GSG1L: variants seen among roughly 807,000 people sequenced by gnomAD.
GSG1L encodes the protein GSG1 like.
GSG1L carries 24 observed loss-of-function variants against 42.1 expected under a neutral mutation model. The ratio of observed to expected loss-of-function variants is 0.57; its 90% CI spans 0.41 to 0.80. The LOEUF (loss-of-function observed/expected upper bound fraction) is 0.80, where lower values mean the gene tolerates loss of function less well. Ranked by LOEUF, GSG1L falls within the 30% of genes least tolerant of loss-of-function variation. The probability of loss-of-function intolerance (pLI) is 0.00; values close to 1 mark genes in which losing one functional copy is unlikely to be tolerated. For missense variants in GSG1L, 445 were observed against 472.2 expected (o/e 0.94, Z 0.53); for synonymous variants, 215 against 203.5 (o/e 1.06, Z -0.48).
rs548118675 is a variant in GSG1L, at chr16:27,906,141, C to G, written c.398-21503G>C. 3.6e-4 allele frequency among the ~76,000 whole-genome samples: 55 copies of G among 151,968 alleles called. 1 individual carries two copies. Among genetic ancestry groups the G allele is most frequent in the Admixed American group, 1.5e-3 (23 of 15,252 alleles). On this transcript the variant is annotated intron_variant, in intron 2 of 6. Transcript: ENST00000447459. ...AAAAAAAAAGTTTTTTAAGGAGGCT[C>G]GAAAGGTTAGGTTTCCAGATAGCTC...
intron 2 of GSG1L, among the ~76,000 whole-genome samples, chr16:27,943,556 T>C (rs983876759): frequency 1.7e-4 from 25 of 143,812 alleles, no homozygotes; most frequent in African/African-American, 5.1e-4. Flanking sequence ...CATTTTCTTT[T>C]TCTTTGTTTC....
chr16:28,037,507 C>T (rs2086054141), intron 1 of GSG1L, among the ~76,000 whole-genome samples: 1 of 152,166 alleles, frequency 6.6e-6, no homozygotes, highest in Non-Finnish European at 1.5e-5. Context: ...TTCAGGTGGT[C>T]CCCTACTAGG....
chr16:27,952,953 C>T (rs536719609), intron 2 of GSG1L, among the ~76,000 whole-genome samples: 7 of 152,328 alleles, frequency 4.6e-5, no homozygotes, highest in African/African-American at 1.4e-4. Flanking sequence ...CAAGGGCAAC[C>T]GCTGACCCAA....
chr16:27,896,986 C>A (rs1218338663), intron 2 of GSG1L, among the ~76,000 whole-genome samples: 1 of 152,206 alleles, frequency 6.6e-6, no homozygotes, highest in African/African-American at 2.4e-5. Flanking sequence ...GCCTTAGCCT[C>A]CCGAGTAGCT....
intron 1 of GSG1L, among the ~76,000 whole-genome samples, chr16:27,970,800 T>C (rs2085186224): frequency 6.6e-6 from 1 of 152,086 alleles, no homozygotes; most frequent in Admixed American, 6.5e-5. Context: ...CTTCTATTTA[T>C]GTCTCTTATC....
At chr16:27,902,077 T>C (rs1298706700) in intron 2 of GSG1L, among the ~76,000 whole-genome samples, 1 of 152,224 alleles carries the variant, frequency 6.6e-6, no homozygotes, top group East Asian at 1.9e-4. Context: ...TCCTGGTTAT[T>C]GGAAGTGGTG....
intron 2 of GSG1L, among the ~76,000 whole-genome samples, chr16:27,896,520 G>A (rs1407323948): frequency 1.3e-5 from 2 of 152,206 alleles, no homozygotes; most frequent in Admixed American, 6.5e-5. Context: ...GTTTACCTAT[G>A]TAACAAACCT....
At chr16:27,845,385 T>G (rs1439965861) in intron 3 of GSG1L, among the ~76,000 whole-genome samples, 1 of 152,164 alleles carries the variant, frequency 6.6e-6, no homozygotes, top group Non-Finnish European at 1.5e-5. Flanking sequence ...TATGCCACTA[T>G]GACAGGCCAA....
At chr16:28,050,889 T>C (rs925639848) in intron 1 of GSG1L, among the ~76,000 whole-genome samples, 3 of 152,202 alleles carry the variant, frequency 2.0e-5, no homozygotes, top group Admixed American at 6.5e-5. Context: ...AGACAAGGAC[T>C]GTCCGCTTTG....
intron 1 of GSG1L, among the ~76,000 whole-genome samples, chr16:27,989,638 G>A (rs1042276348): frequency 6.6e-6 from 1 of 152,026 alleles, no homozygotes; most frequent in African/African-American, 2.4e-5. Flanking sequence ...TACTTGGGAG[G>A]CTGAGGCACG....
intron 1 of GSG1L, 149 bp from the exon 2 acceptor site, chr16:27,963,352 C>T: frequency 1.4e-6 from 1 of 711,518 alleles, no homozygotes; most frequent in East Asian, 2.7e-5. Context: ...TCCTAGAAGC[C>T]CAACATCCCA....
At chr16:27,804,330 G>A (rs758032224) in intron 6 of GSG1L, among the ~76,000 whole-genome samples, 9 of 152,012 alleles carry the variant, frequency 5.9e-5, no homozygotes, top group African/African-American at 1.9e-4. Context: ...TCCAGCTGTC[G>A]GACACACAGG....
chr16:27,828,700 G>A (rs2083241099), intron 5 of GSG1L, 89 bp downstream of exon 5: 2 of 1,335,362 alleles, frequency 1.5e-6, no homozygotes, highest in South Asian at 2.8e-5. Flanking sequence ...ATTCATTCCA[G>A]TTTTTGACTG....
intron 2 of GSG1L, among the ~76,000 whole-genome samples, chr16:27,954,718 ATC>A (rs2084986857): frequency 6.6e-6 from 1 of 152,126 alleles, no homozygotes; most frequent in Non-Finnish European, 1.5e-5. Flanking sequence ...TGGTGGTACG[ATC>A]CTAGCTCACT....
At chr16:27,838,449 C>A (rs1567478792) in intron 4 of GSG1L, among the ~76,000 whole-genome samples, 1 of 152,162 alleles carries the variant, frequency 6.6e-6, no homozygotes, top group Non-Finnish European at 1.5e-5. Context: ...TGAACTGGCA[C>A]ACGGAGCTGC....
At chr16:28,021,571 T>A (rs1046300619) in intron 1 of GSG1L, among the ~76,000 whole-genome samples, 2 of 152,238 alleles carry the variant, frequency 1.3e-5, no homozygotes, top group Admixed American at 1.3e-4. Context: ...TTTTCCATTT[T>A]ATTCTTTCTC....
intron 1 of GSG1L, among the ~76,000 whole-genome samples, chr16:27,985,320 AG>A: frequency 6.6e-6 from 1 of 152,134 alleles, no homozygotes; most frequent in African/African-American, 2.4e-5. Flanking sequence ...CATGGTAATG[AG>A]GGAGTTCTTG....
At chr16:27,995,810 C>A (rs2085509028) in intron 1 of GSG1L, among the ~76,000 whole-genome samples, 1 of 151,914 alleles carries the variant, frequency 6.6e-6, no homozygotes, top group South Asian at 2.1e-4. Flanking sequence ...CCGCACCTGG[C>A]TCCAGTAGGC....
intron 2 of GSG1L, among the ~76,000 whole-genome samples, chr16:27,957,644 AG>A (rs1227808456): frequency 1.3e-5 from 2 of 152,248 alleles, no homozygotes; most frequent in African/African-American, 4.8e-5. Context: ...AATACAATAC[AG>A]AACACTCAAG....
Sources: allele counts gnomAD v4.1 joint callset (sites outside exome capture counted in the v4.1 genomes callset), GRCh38; gene constraint gnomAD v4.1.1; transcripts MANE v1.5; gene names NCBI Gene and HGNC (gene_info 2026-07-23, HGNC 2026-07-21).